LRCH3: variants seen among roughly 807,000 people sequenced by gnomAD.
LRCH3 encodes DISP complex protein LRCH3.
LRCH3 carries 68 observed loss-of-function variants against 104.5 expected under a neutral mutation model. The observed-to-expected ratio is 0.65, with a 90% confidence interval of 0.54 to 0.80. The LOEUF (loss-of-function observed/expected upper bound fraction) is 0.80. Among genes scored for constraint, LRCH3 ranks in the 30% least tolerant of loss-of-function variants. The pLI is 0.00. For missense variants in LRCH3, 951 were observed against 953.9 expected (o/e 1.00, Z 0.04); for synonymous variants, 344 against 361.3 (o/e 0.95, Z 0.54).
chr3:197,822,313 A>G (rs567950368), intron 4 of LRCH3, among the ~76,000 whole-genome samples: 99 of 152,276 alleles, frequency 6.5e-4, no homozygotes, highest in Non-Finnish European at 1.1e-3. Context: ...CTAGGACCTT[A>G]TAACCCCAAA....
chr3:197,852,906 G>A (rs1035138467), intron 13 of LRCH3, among the ~76,000 whole-genome samples: 2 of 152,126 alleles, frequency 1.3e-5, no homozygotes, highest in Non-Finnish European at 2.9e-5. Flanking sequence ...AGCGTTGTGT[G>A]TAGAGTCCTG....
intron 1 of LRCH3, among the ~76,000 whole-genome samples, chr3:197,809,689 T>G (rs1253313910): frequency 1.3e-5 from 2 of 152,114 alleles, no homozygotes; most frequent in African/African-American, 4.8e-5. Context: ...TCCGCTCTGC[T>G]GTTGAACCCA....
chr3:197,847,503 G>A (rs748179820), intron 11 of LRCH3, 43 bp downstream of exon 11: 1 of 1,527,882 alleles, frequency 6.5e-7, no homozygotes, highest in East Asian at 2.3e-5. Context: ...TTTAAACTAA[G>A]ATGATTTTTT....
chr3:197,832,451 A>G (rs1035774109), intron 8 of LRCH3, 134 bp downstream of exon 8: 1 of 815,458 alleles, frequency 1.2e-6, no homozygotes, highest in South Asian at 2.5e-5. Context: ...CTTTTCATAT[A>G]TGATTGAAAA....
At chr3:197,869,221 G>A (rs149494562) in intron 17 of LRCH3, among the ~76,000 whole-genome samples, 2,378 of 151,360 alleles carry the variant, frequency 0.016, 87 homozygotes, top group African/African-American at 0.056. Context: ...AGTAGAAAGC[G>A]ATGCACTGTA....
chr3:197,846,397 AAAAC>A (rs1738709511), intron 10 of LRCH3, among the ~76,000 whole-genome samples: 1 of 149,610 alleles, frequency 6.7e-6, no homozygotes, highest in Admixed American at 6.6e-5. Flanking sequence ...AAAAAAAAAA[AAAAC>A]AAAAAAAAAA....
intron 20 of LRCH3, chr3:197,880,619 CT>C: frequency 6.5e-7 from 1 of 1,536,674 alleles, no homozygotes; most frequent in Non-Finnish European, 8.7e-7. Context: ...CCAGTTTTGT[CT>C]GTCTCTCTCT....
At chr3:197,829,007 C>T (rs969096492) in intron 5 of LRCH3, among the ~76,000 whole-genome samples, 4 of 152,120 alleles carry the variant, frequency 2.6e-5, no homozygotes, top group African/African-American at 4.8e-5. Flanking sequence ...CTGTGCCCGG[C>T]GGCATATGCT....
At chr3:197,875,639 G>A in intron 19 of LRCH3, 59 bp from the exon 20 acceptor site, 2 of 1,335,760 alleles carry the variant, frequency 1.5e-6, no homozygotes, top group Non-Finnish European at 2.1e-6. Context: ...GGGTGGCAGT[G>A]AGACCCTGTC....
At chr3:197,881,365 C>T (rs1713753584) in intron 20 of LRCH3, 1 of 987,874 alleles carries the variant, frequency 1.0e-6, no homozygotes, top group Non-Finnish European at 1.2e-6. Context: ...CACCCACATT[C>T]CCTAGACTGC....
At chr3:197,815,689 G>A (rs1342748891) in intron 2 of LRCH3, among the ~76,000 whole-genome samples, 2 of 152,126 alleles carry the variant, frequency 1.3e-5, no homozygotes, top group Non-Finnish European at 1.5e-5. Flanking sequence ...TGTTTCTTGT[G>A]ACCATGTATT....
chr3:197,831,510 A>C (rs1735930818), intron 7 of LRCH3, among the ~76,000 whole-genome samples: 1 of 151,854 alleles, frequency 6.6e-6, no homozygotes, highest in Non-Finnish European at 1.5e-5. Flanking sequence ...TTAATTTTAG[A>C]CCACATCCCA....
At chr3:197,836,969 C>T (rs1182520675) in intron 9 of LRCH3, among the ~76,000 whole-genome samples, 1 of 152,146 alleles carries the variant, frequency 6.6e-6, no homozygotes, top group African/African-American at 2.4e-5. Flanking sequence ...TGAGCCACCG[C>T]ACCCAGCCAG....
intron 19 of LRCH3, among the ~76,000 whole-genome samples, chr3:197,873,499 GAGA>G (rs1300345602): frequency 6.6e-6 from 1 of 152,076 alleles, no homozygotes; most frequent in African/African-American, 2.4e-5. Flanking sequence ...AGCTGAAGCT[GAGA>G]AGGAGACAAG....
At chr3:197,873,759 T>A (rs9325412) in intron 19 of LRCH3, among the ~76,000 whole-genome samples, 51,146 of 151,830 alleles carry the variant, frequency 0.34, 11,688 homozygotes, top group African/African-American at 0.66. Flanking sequence ...ACAGTGGCTC[T>A]TGCCTGTAAT....
intron 3 of LRCH3, among the ~76,000 whole-genome samples, chr3:197,818,131 G>T (rs901838912): frequency 1.3e-5 from 2 of 151,980 alleles, no homozygotes; most frequent in African/African-American, 2.4e-5. Flanking sequence ...CTGTTGCCCT[G>T]TATTTTCTAA....
In LRCH3 at chr3:197,866,177, A is replaced by G. The variant is rs1437219135; in HGVS notation, c.1831A>G (p.Ser611Gly). Residue 611 changes from serine to glycine, a missense_variant, in exon 17 of 21, where the codon AGC becomes GGC. Coordinates refer to ENST00000425562, the MANE Select transcript of LRCH3 (RefSeq NM_001365715.1). ...GAGAAATCAGCCTCAGCGCCCTGAA[A>G]GCTTCCTTTTCCGAGCAGGTGTCAG... ...IQRNQPQRPE[S>G]FLFRAGVRAE... 1 of 1,614,122 alleles carries G rather than the reference A, an allele frequency of 6.2e-7. No homozygotes were observed. The highest frequency in any genetic ancestry group is 1.1e-5 in the South Asian group (1 of 91,066).
chr3:197,805,184 C>T (rs936470924), intron 1 of LRCH3, among the ~76,000 whole-genome samples: 25 of 152,176 alleles, frequency 1.6e-4, no homozygotes, highest in Non-Finnish European at 2.6e-4. Flanking sequence ...TGAGCCACCG[C>T]GCCTGGCCAA....
At chr3:197,808,100 T>G (rs1176478779) in intron 1 of LRCH3, among the ~76,000 whole-genome samples, 1 of 152,182 alleles carries the variant, frequency 6.6e-6, no homozygotes, top group African/African-American at 2.4e-5. Flanking sequence ...TGCGATTGTG[T>G]TTGGAGGTAG....
Sources: gnomAD v4.1 joint callset for allele counts (sites outside exome capture counted in the v4.1 genomes callset) on GRCh38, gnomAD v4.1.1 for gene constraint, MANE v1.5 for transcripts, NCBI Gene and HGNC (gene_info 2026-07-23, HGNC 2026-07-21) for gene names.